The following ARAP2 variants were observed in gnomAD, a reference collection of about 807,000 sequenced individuals.
ARAP2 encodes ArfGAP with RhoGAP domain, ankyrin repeat and PH domain 2, also known as arf-GAP with Rho-GAP domain, ANK repeat and PH domain-containing protein 2.
ARAP2 carries 148 observed loss-of-function variants against 194.5 expected under a neutral mutation model. The ratio of observed to expected loss-of-function variants is 0.76; its 90% confidence interval spans 0.67 to 0.87. ARAP2 has a LOEUF of 0.87. ARAP2 is among the 40% of genes least tolerant of loss of function. The probability of loss-of-function intolerance (pLI) is 0.00; values close to 1 mark genes in which losing one functional copy is unlikely to be tolerated. For missense variants in ARAP2, 2,128 were observed against 1,989.7 expected, an observed-to-expected ratio of 1.07 and a Z score of -1.32; for synonymous variants, 695 against 683.5, an observed-to-expected ratio of 1.02 and a Z score of -0.26.
chr4:36,056,394 A>T lies in ARAP2; in HGVS notation n.321+1576T>A, dbSNP rs534172486. Among the ~76,000 whole-genome samples, 3 of 152,152 alleles carry T rather than the reference A, an allele frequency of 2.0e-5. No homozygotes were observed. In the East Asian group the frequency reaches 5.8e-4, roughly 29 times the overall value. Reference sequence around the variant, plus strand: ...TATTTAACTCCCTGGTGAAATGACCACTCCTTTACAAGCAATGTCTCTACC... The same window carrying T: ...TATTTAACTCCCTGGTGAAATGACCTCTCCTTTACAAGCAATGTCTCTACC... On this transcript the variant is annotated intron_variant and non_coding_transcript_variant, in intron 2 of 12. Coordinates refer to the ARAP2 transcript ENST00000503225.
intron 1 of ARAP2, among the ~76,000 whole-genome samples, chr4:36,239,312 A>G (rs543165704): frequency 6.6e-6 from 1 of 152,310 alleles, no homozygotes; most frequent in South Asian, 2.1e-4. Context: ...ATACCTGACT[A>G]TGATCTTAAA....
intron 6 of ARAP2, among the ~76,000 whole-genome samples, chr4:36,205,856 C>T (rs978948546): frequency 1.1e-4 from 17 of 152,134 alleles, no homozygotes; most frequent in Non-Finnish European, 1.9e-4. Context: ...AAACTTTTTT[C>T]GTCCTCAAAC....
chr4:36,064,202 CTTTCTT>C (rs1457508616), downstream of ARAP2, among the ~76,000 whole-genome samples: 48 of 70,564 alleles, frequency 6.8e-4, no homozygotes, highest in South Asian at 0.012. Context: ...TTGTTTTTTT[CTTTCTT>C]TTTTTTTTTT....
In ARAP2 at chr4:36,051,966, A is replaced by AT. The variant is rs1490356747; in HGVS notation, n.369+39dup. The AT allele has an allele frequency of 5.9e-5, 9 of 152,310 alleles. No homozygotes were observed. In the East Asian group the frequency reaches 1.5e-3, roughly 26 times the overall value. The allele number at this position is 152,310 out of a possible 1,614,324, so 9.4% of individuals were successfully genotyped here. ...TTAAAAATAAAAAAATGCACATAGT[A>AT]TTTTTTATATGCTCTTCTGACACCT... On this transcript the variant is annotated intron_variant and non_coding_transcript_variant, in intron 3 of 12. Coordinates refer to the ARAP2 transcript ENST00000503225.
intron 3 of ARAP2, among the ~76,000 whole-genome samples, 170 bp from the exon 4 acceptor site, chr4:36,213,489 G>A (rs1018378850): frequency 2.6e-5 from 4 of 151,964 alleles, no homozygotes; most frequent in African/African-American, 7.2e-5. Context: ...TCTCCCCATC[G>A]TCTTCTTGAT....
chr4:36,042,328 A>G (rs1721008227), intron 5 of ARAP2, among the ~76,000 whole-genome samples: 1 of 152,232 alleles, frequency 6.6e-6, no homozygotes, highest in Non-Finnish European at 1.5e-5. Flanking sequence ...TGATTAGACA[A>G]TAATATTATG....
intron 9 of ARAP2, among the ~76,000 whole-genome samples, chr4:36,168,400 C>G (rs920365713): frequency 1.3e-5 from 2 of 152,062 alleles, no homozygotes; most frequent in East Asian, 1.9e-4. Flanking sequence ...TAGGGAGAAC[C>G]CTGTTCTCTG....
intron 3 of ARAP2, among the ~76,000 whole-genome samples, chr4:36,050,661 T>C (rs1198388305): frequency 6.6e-6 from 1 of 152,174 alleles, no homozygotes; most frequent in African/African-American, 2.4e-5. Flanking sequence ...CACACAAAAG[T>C]AGTTATTTAT....
chr4:36,178,019 C>A lies in ARAP2; in HGVS notation c.1679-14G>T. 6.3e-7 allele frequency: 1 copy of A among 1,575,994 alleles called. No homozygotes were observed. On this transcript the variant is annotated splice_polypyrimidine_tract_variant and intron_variant, in intron 8 of 32. Coordinates refer to ENST00000303965, the MANE Select transcript of ARAP2 (RefSeq NM_015230.4). ...CATTTCTCTCCTCTGAAAATGAAGACAGGAGAAAATACATAAATCCACATA... is the reference window on the plus strand; with the variant it reads ...CATTTCTCTCCTCTGAAAATGAAGAAAGGAGAAAATACATAAATCCACATA...
At chr4:36,093,838 A>G (rs1714438144) in intron 27 of ARAP2, among the ~76,000 whole-genome samples, 1 of 152,126 alleles carries the variant, frequency 6.6e-6, no homozygotes. Context: ...CCCAAGGTTT[A>G]GCTCTCACCT....
chr4:36,180,666 G>A (rs1225047390), intron 8 of ARAP2, among the ~76,000 whole-genome samples: 1 of 152,212 alleles, frequency 6.6e-6, no homozygotes, highest in East Asian at 1.9e-4. Context: ...TTGGGCCTAA[G>A]TGTCTATGGC....
At chr4:36,217,130 CAT>C (rs1432424601) in intron 2 of ARAP2, among the ~76,000 whole-genome samples, 3 of 152,208 alleles carry the variant, frequency 2.0e-5, no homozygotes, top group Non-Finnish European at 4.4e-5. Flanking sequence ...CATAGGTTTA[CAT>C]ATCTTTCACA....
intron 20 of ARAP2, among the ~76,000 whole-genome samples, chr4:36,131,757 G>T (rs1024819454): frequency 5.3e-5 from 8 of 151,650 alleles, no homozygotes; most frequent in Non-Finnish European, 1.0e-4. Flanking sequence ...TTCCCAATAA[G>T]GTTATGCTCC....
At chr4:36,174,145 G>A (rs1458845109) in intron 9 of ARAP2, among the ~76,000 whole-genome samples, 1 of 152,222 alleles carries the variant, frequency 6.6e-6, no homozygotes, top group Non-Finnish European at 1.5e-5. Context: ...CCCCCTGCAT[G>A]TGTCATGTGG....
chr4:36,225,893 A>G (rs532272296), intron 2 of ARAP2, among the ~76,000 whole-genome samples: 2 of 152,314 alleles, frequency 1.3e-5, no homozygotes, highest in African/African-American at 4.8e-5. Context: ...ATGACCAATC[A>G]ATATCAATAT....
intron 1 of ARAP2, among the ~76,000 whole-genome samples, chr4:36,240,492 T>C (rs937488851): frequency 1.3e-5 from 2 of 152,218 alleles, no homozygotes; most frequent in African/African-American, 4.8e-5. Flanking sequence ...TTACCAGGGA[T>C]TCCAGCTCTG....
chr4:36,097,402 G>A (rs984829358), intron 27 of ARAP2, among the ~76,000 whole-genome samples: 5 of 152,004 alleles, frequency 3.3e-5, no homozygotes, highest in Non-Finnish European at 5.9e-5. Context: ...TAAGTAGAAA[G>A]CCACCAATTA....
At chr4:36,100,228 C>T (rs564759999) in intron 27 of ARAP2, among the ~76,000 whole-genome samples, 2 of 152,114 alleles carry the variant, frequency 1.3e-5, no homozygotes, top group African/African-American at 4.8e-5. Flanking sequence ...AAGCATTTAG[C>T]CCAGCGCACA....
At chr4:36,190,205 C>G (rs1741566384) in intron 7 of ARAP2, among the ~76,000 whole-genome samples, 1 of 152,190 alleles carries the variant, frequency 6.6e-6, no homozygotes, top group South Asian at 2.1e-4. Flanking sequence ...CTGAAGAAAG[C>G]CTTTCTGACC....
Sources: gnomAD v4.1 joint callset for allele counts (sites outside exome capture counted in the v4.1 genomes callset) on GRCh38, gnomAD v4.1.1 for gene constraint, MANE v1.5 for transcripts, NCBI Gene and HGNC (gene_info 2026-07-23, HGNC 2026-07-21) for gene names.